Variants in XPA observed in about 807,000 individuals in gnomAD.
The protein encoded by XPA is XPA, DNA damage recognition and repair factor.
XPA carries 27 observed loss-of-function variants against 35.7 expected under a neutral mutation model. The ratio of observed to expected loss-of-function variants is 0.76; its 90% CI spans 0.56 to 1.04. The LOEUF is 1.04. Ranked by LOEUF, XPA falls within the 50% of genes least tolerant of loss-of-function variation. The pLI is 0.00. For missense variants in XPA, 354 were observed against 342.7 expected (o/e 1.03, Z -0.26); for synonymous variants, 133 against 118.4 (o/e 1.12, Z -0.80).
In XPA at chr9:97,687,161, A is replaced by C. The variant is rs1338492382; in HGVS notation, c.490T>G (p.Phe164Val). The C allele has an allele frequency of 6.2e-7, 1 of 1,612,796 alleles. No individual in the cohort carries two copies. The highest frequency in any genetic ancestry group is 1.3e-5 in the African/African-American group (1 of 75,048). The change falls in exon 4 of 6, where the codon TTT becomes GTT. Residue 164 changes from phenylalanine (F) to valine (V), a missense_variant. Transcript: ENST00000375128. ...TGATGTGGATTCTTCTTCACAATAAATTTAAGAGGTGGCTCTCTTTTTTCT... is the reference window on the plus strand; with the variant it reads ...TGATGTGGATTCTTCTTCACAATAACTTTAAGAGGTGGCTCTCTTTTTTCT... ...DLEKREPPLK[F>V]IVKKNPHHSQ...
At chr9:97,667,939 T>C in the XPA span, among the ~76,000 whole-genome samples, 1 of 152,246 alleles carries the variant, frequency 6.6e-6, no homozygotes, top group South Asian at 2.1e-4. Context: ...GACAGTCGTG[T>C]ACCCACGTGT....
chr9:97,669,012 A>G, the XPA span: 1 of 1,538,596 alleles, frequency 6.5e-7, no homozygotes, highest in South Asian at 1.2e-5. Flanking sequence ...AAAAGGAAAC[A>G]ATACATTTCT....
At chr9:97,654,918 C>A in the XPA span, 1 of 1,611,206 alleles carries the variant, frequency 6.2e-7, no homozygotes, top group South Asian at 1.1e-5. Context: ...TGCGTTTGGA[C>A]ACAATGAACA....
At chr9:97,667,279 A>G in the XPA span, among the ~76,000 whole-genome samples, 2 of 152,176 alleles carry the variant, frequency 1.3e-5, no homozygotes, top group Non-Finnish European at 1.5e-5. Context: ...AGTCATTCCC[A>G]AGTTAACGGA....
At chr9:97,690,135 C>A (rs1369218822) in intron 2 of XPA, among the ~76,000 whole-genome samples, 1 of 152,222 alleles carries the variant, frequency 6.6e-6, no homozygotes, top group Non-Finnish European at 1.5e-5. Context: ...TCATAGCCAG[C>A]AATGGTGGCT....
chr9:97,684,817 AAC>A, intron 5 of XPA, 104 bp downstream of exon 5: 1 of 1,047,014 alleles, frequency 9.6e-7, no homozygotes, highest in Non-Finnish European at 1.5e-6. Flanking sequence ...ACCTCTAAAA[AAC>A]ACATTCCAAT....
chr9:97,673,816 T>C (rs1190288797), downstream of XPA: 16 of 152,212 alleles, frequency 1.1e-4, no homozygotes. Flanking sequence ...TGCCAACCTA[T>C]GTAGAGCAGG....
At chr9:97,680,268 G>C (rs1178817908) in intron 5 of XPA, among the ~76,000 whole-genome samples, 2 of 152,104 alleles carry the variant, frequency 1.3e-5, no homozygotes, top group Non-Finnish European at 2.9e-5. Context: ...GAGTGCAATG[G>C]GGGGATCTCA....
At chr9:97,662,899 TA>T in the XPA span, 1 of 1,332,206 alleles carries the variant, frequency 7.5e-7, no homozygotes, top group Non-Finnish European at 1.1e-6. Flanking sequence ...TTGAAAACAC[TA>T]AAATGTTTAA....
In XPA at chr9:97,687,154, A is replaced by T; in HGVS notation, c.497T>A (p.Val166Glu). Residue 166 changes from valine to glutamate, a missense_variant, in exon 4 of 6, where the codon GTG becomes GAG. Val to Glu is a moderately radical substitution (Grantham distance 121). Transcript: ENST00000375128. Reference protein sequence around the residue: ...EKREPPLKFIVKKNPHHSQWG... With the variant: ...EKREPPLKFIEKKNPHHSQWG... ...TTGTGAATGATGTGGATTCTTCTTC[A>T]CAATAAATTTAAGAGGTGGCTCTCT... The T allele has an allele frequency of 6.2e-7, 1 of 1,612,938 alleles. No homozygotes were observed. The highest frequency in any genetic ancestry group is 1.1e-5 in the South Asian group (1 of 90,722).
the XPA span, chr9:97,660,922 C>G: frequency 1.3e-6 from 2 of 1,597,562 alleles, no homozygotes; most frequent in East Asian, 4.5e-5. Context: ...CTGTCATTCC[C>G]CTTACCCCCA....
At chr9:97,681,175 T>C (rs751537109) in intron 5 of XPA, among the ~76,000 whole-genome samples, 34 of 152,218 alleles carry the variant, frequency 2.2e-4, no homozygotes, top group Non-Finnish European at 4.9e-4. Flanking sequence ...TCTGTATTCA[T>C]GGAAACCCAA....
chr9:97,687,385 C>G lies in XPA; in HGVS notation c.390-124G>C. On this transcript the variant is annotated intron_variant, in intron 3 of 5. Transcript: ENST00000375128. ...ATATAAAATACTTTTTCCTGCAACTCTCATGGTTAAATTAGCAACATAAGA... is the reference window on the plus strand; with the variant it reads ...ATATAAAATACTTTTTCCTGCAACTGTCATGGTTAAATTAGCAACATAAGA... The G allele has an allele frequency of 5.4e-6, 4 of 735,664 alleles. No individual in the cohort carries two copies. In the South Asian group the frequency reaches 1.0e-4, roughly 19 times the overall value. 45.6% of individuals were successfully genotyped at this position (735,664 alleles called of 1,614,324 possible).
chr9:97,697,102 G>A lies in XPA; in HGVS notation c.172+19C>T. 1 of 1,526,434 alleles carries A rather than the reference G, an allele frequency of 6.6e-7. No individual in the cohort carries two copies. Among genetic ancestry groups the A allele is most frequent in the Non-Finnish European group, 8.8e-7 (1 of 1,138,614 alleles). The allele number at this position is 1,526,434 out of a possible 1,614,324, so 94.6% of individuals were successfully genotyped here. On this transcript the variant is annotated intron_variant, in intron 1 of 5. Transcript: ENST00000375128. ...GGAGGCGGGGAGAGGGAAGGGGAAAGCGCGGACGCGGCCCAAACCTCCAGT... is the reference window on the plus strand; with the variant it reads ...GGAGGCGGGGAGAGGGAAGGGGAAAACGCGGACGCGGCCCAAACCTCCAGT...
the XPA span, chr9:97,661,172 CTGTT>C: frequency 3.6e-6 from 5 of 1,403,508 alleles, no homozygotes; most frequent in Non-Finnish European, 4.8e-6. Context: ...ATATCTATAT[CTGTT>C]TGACCTGTTC....
At chr9:97,686,972 G>C in intron 4 of XPA, 124 bp downstream of exon 4, 1 of 898,950 alleles carries the variant, frequency 1.1e-6, no homozygotes, top group Non-Finnish European at 1.7e-6. Context: ...TGACTGTGAA[G>C]CATATGCAAA....
At chr9:97,670,610 AAC>A (rs1188878034), downstream of XPA, among the ~76,000 whole-genome samples, 2 of 152,254 alleles carry the variant, frequency 1.3e-5, no homozygotes, top group African/African-American at 4.8e-5. Context: ...TAAAAGCTTT[AAC>A]AGTCTCTAGT....
chr9:97,657,924 A>G, the XPA span, among the ~76,000 whole-genome samples: 4 of 119,502 alleles, frequency 3.3e-5, no homozygotes, highest in Non-Finnish European at 6.6e-5. Flanking sequence ...ATATATATAT[A>G]TATTTTTTTT....
intron 4 of XPA, among the ~76,000 whole-genome samples, chr9:97,686,507 G>A (rs917467021): frequency 2.0e-5 from 3 of 151,978 alleles, no homozygotes; most frequent in Non-Finnish European, 2.9e-5. Context: ...TTCTTTTTTG[G>A]TGGGAGATGG....
Sources: gnomAD v4.1 joint callset for allele counts (sites outside exome capture counted in the v4.1 genomes callset) on GRCh38, gnomAD v4.1.1 for gene constraint, MANE v1.5 for transcripts, NCBI Gene and HGNC (gene_info 2026-07-23, HGNC 2026-07-21) for gene names.